The following RNF135 variants were observed in gnomAD, a reference collection of about 807,000 sequenced individuals.
The protein encoded by RNF135 is ring finger protein 135.
Under a neutral mutation model 41.9 loss-of-function variants are expected in RNF135, and 46 were observed. The observed-to-expected ratio is 1.10, with a 90% confidence interval of 0.87 to 1.40. The LOEUF (loss-of-function observed/expected upper bound fraction) is 1.40, where lower values mean the gene tolerates loss of function less well. Ranked by LOEUF, RNF135 falls within the 40% of genes most tolerant of loss-of-function variation. The pLI is 0.00. For missense variants in RNF135, 539 were observed against 549.8 expected (o/e 0.98, Z 0.20); for synonymous variants, 238 against 223.8 (o/e 1.06, Z -0.57).
the RNF135 span, among the ~76,000 whole-genome samples, chr17:30,960,115 C>T: frequency 1.3e-5 from 2 of 151,924 alleles, no homozygotes; most frequent in East Asian, 1.9e-4. Flanking sequence ...ATTTATTGGC[C>T]GGGCACGGTG....
chr17:30,959,729 C>G, the RNF135 span: 1 of 152,078 alleles, frequency 6.6e-6, no homozygotes, highest in South Asian at 2.1e-4. Flanking sequence ...ACCAGTTTGC[C>G]TAAGGAGGGG....
chr17:30,975,401 G>C (rs912396509), intron 1 of RNF135: 1 of 765,000 alleles, frequency 1.3e-6, no homozygotes, highest in South Asian at 1.4e-5. Context: ...AGGCTCAGAG[G>C]ATCTTCCTAA....
upstream of RNF135, chr17:30,970,211 C>G (rs1177936260): frequency 6.8e-6 from 1 of 147,788 alleles, no homozygotes; most frequent in East Asian, 2.0e-4. Context: ...TTTTTAACCT[C>G]TTTGGGTCAT....
At chr17:30,966,542 T>C (rs1273930865), upstream of RNF135, among the ~76,000 whole-genome samples, 1 of 151,856 alleles carries the variant, frequency 6.6e-6, no homozygotes, top group Non-Finnish European at 1.5e-5. Context: ...TCGCCCAGGC[T>C]GGAGTGCAGT....
intron 1 of RNF135, chr17:30,971,726 T>C: frequency 4.6e-6 from 6 of 1,304,486 alleles, no homozygotes; most frequent in Non-Finnish European, 5.8e-6. Context: ...GGTCTCTTTC[T>C]CTGAAACTTG....
intron 1 of RNF135, among the ~76,000 whole-genome samples, chr17:30,977,819 G>C (rs979670937): frequency 6.6e-6 from 1 of 151,936 alleles, no homozygotes; most frequent in Non-Finnish European, 1.5e-5. Context: ...TCCACCCGCC[G>C]TGGCCTCCCA....
In RNF135 at chr17:30,975,736, T is replaced by G. The variant is rs989138676; in HGVS notation, c.372+4291T>G. 12 of 1,339,422 alleles carry G rather than the reference T, an allele frequency of 9.0e-6. No homozygotes were observed. The African/African-American group carries it at 1.7e-4, about 19-fold the overall frequency. The allele number at this position is 1,339,422 out of a possible 1,614,324, so 83.0% of individuals were successfully genotyped here. A position where few individuals can be genotyped will look rare whatever the true frequency, so the allele number is the denominator to read the frequency against. ...GATTGCCCAACACTGCTCACCTGAT[T>G]GGCCTGGTGTACATGGGTCATCGGG... On this transcript the variant is annotated intron_variant, in intron 1 of 4. Transcript: ENST00000328381.
intron 4 of RNF135, among the ~76,000 whole-genome samples, chr17:30,997,860 TTAAG>T (rs1439213221): frequency 6.6e-6 from 1 of 152,188 alleles, no homozygotes; most frequent in Non-Finnish European, 1.5e-5. Context: ...GCCATGAGGG[TTAAG>T]TGAGTGAGTA....
chr17:30,962,794 C>A, the RNF135 span, among the ~76,000 whole-genome samples: 3 of 152,110 alleles, frequency 2.0e-5, no homozygotes, highest in Non-Finnish European at 4.4e-5. Context: ...AGACAAGAAC[C>A]AGGGTATCAC....
At chr17:30,992,180 C>G (rs1414320515) in intron 3 of RNF135, among the ~76,000 whole-genome samples, 1 of 152,024 alleles carries the variant, frequency 6.6e-6, no homozygotes, top group East Asian at 1.9e-4. Context: ...GATCCACCTG[C>G]CTTGGCTTCC....
upstream of RNF135, among the ~76,000 whole-genome samples, chr17:30,967,704 CTT>C (rs561517645): frequency 1.6e-4 from 22 of 138,626 alleles, no homozygotes; most frequent in East Asian, 2.1e-4. Flanking sequence ...GACAAAATTT[CTT>C]TTTTTTTTTT....
Position 30,998,858 on chromosome 17 carries a change from C to G in RNF135, c.966C>G (p.Cys322Trp). ...ACTGGGAAGTGGACACTAGGAATTG[C>G]AGCCACTGGGCAGTTGGGGTGGCTT... ...KHYWEVDTRN[C>W]SHWAVGVASW... Residue 322 changes from cysteine (C) to tryptophan (W), a missense_variant, in exon 5 of 5, where the codon TGC (cysteine) becomes TGG (tryptophan). By Grantham distance (215) the Cys-to-Trp change is radical (BLOSUM62 -2). Around this residue, in one of 2 missense-constraint regions of RNF135, gnomAD observed 262 missense variants for 336.9 expected, o/e 0.78. Transcript: ENST00000328381. 1 of 1,612,790 alleles carries G rather than the reference C, an allele frequency of 6.2e-7. No individual in the cohort carries two copies.
chr17:30,970,989 A>T, upstream of RNF135: 1 of 1,515,030 alleles, frequency 6.6e-7, no homozygotes, highest in Non-Finnish European at 8.8e-7. Flanking sequence ...GGAGGAGGGC[A>T]AGGGGAAGAG....
rs1167074464 is a variant in RNF135, at chr17:30,971,089, C to T, written c.16C>T (p.Leu6=). Residue 6 remains leucine, a synonymous_variant, in exon 1 of 5, where the codon CTG becomes TTG. Coordinates refer to ENST00000328381, the MANE Select transcript of RNF135 (RefSeq NM_032322.4). MAGLG[L]GSAVPVWLAE... ...CCTGTTGGCCATGGCGGGCCTGGGC[C>T]TGGGCTCCGCCGTTCCCGTGTGGCT... The T allele has an allele frequency of 9.1e-6, 14 of 1,534,222 alleles. No individual in the cohort carries two copies. Among genetic ancestry groups the T allele is most frequent in the African/African-American group, 1.4e-5 (1 of 72,984 alleles).
intron 3 of RNF135, among the ~76,000 whole-genome samples, chr17:30,993,174 C>T (rs557511053): frequency 6.6e-6 from 1 of 151,996 alleles, no homozygotes; most frequent in Admixed American, 6.6e-5. Context: ...AATTCTCCTG[C>T]CTCAGCCTCC....
chr17:30,971,045 G>T lies in RNF135; in HGVS notation c.-29G>T, dbSNP rs1003108275. 6.5e-7 allele frequency: 1 copy of T among 1,533,226 alleles called. No individual in the cohort carries two copies. The allele number at this position is 1,533,226 out of a possible 1,614,324, so 95.0% of individuals were successfully genotyped here. On this transcript the variant is annotated 5_prime_UTR_variant, in exon 1 of 5. Coordinates refer to ENST00000328381, the MANE Select transcript of RNF135 (RefSeq NM_032322.4). ...GAGGAGACTCGCCCGGCTCAACCCC[G>T]ACGTCCGCGCCCCGGCCGCCTGTTG...
chr17:30,995,285 G>A (rs1336644791), intron 3 of RNF135, among the ~76,000 whole-genome samples: 1 of 152,098 alleles, frequency 6.6e-6, no homozygotes, highest in Non-Finnish European at 1.5e-5. Context: ...CTACTCAGGA[G>A]GCTGAGGCAG....
chr17:30,971,704 C>A, intron 1 of RNF135: 1 of 1,323,072 alleles, frequency 7.6e-7, no homozygotes, highest in East Asian at 3.2e-5. Context: ...AACTTCTTCC[C>A]AATCGATCTT....
At position 30,997,286 on chromosome 17, in the gene RNF135, G is replaced by T; in HGVS notation, c.724G>T (p.Asp242Tyr). 6.2e-7 allele frequency: 1 copy of T among 1,614,096 alleles called. No individual in the cohort carries two copies. Among genetic ancestry groups the T allele is most frequent in the South Asian group, 1.1e-5 (1 of 91,048 alleles). ...GTCTTCCTCCTCATGCCCATTGCCT[G>T]ACCAGAGCCACCCTGCACTCAGGAG... Reference protein sequence around the residue: ...APSSSSCPLPDQSHPALRRAS... With the variant: ...APSSSSCPLPYQSHPALRRAS... The change falls in exon 4 of 5, where the codon GAC becomes TAC. Residue 242 changes from aspartate (D) to tyrosine (Y), a missense_variant. Asp to Tyr is a radical substitution (Grantham distance 160). Coordinates refer to ENST00000328381, the MANE Select transcript of RNF135 (RefSeq NM_032322.4).
Sources: gnomAD v4.1 joint callset for allele counts (sites outside exome capture counted in the v4.1 genomes callset) on GRCh38, gnomAD v4.1.1 for gene constraint, gnomAD v4.1.1 regional missense constraint, MANE v1.5 for transcripts, NCBI Gene and HGNC (gene_info 2026-07-23, HGNC 2026-07-21) for gene names.